Variants in GPBP1 observed in about 807,000 individuals in gnomAD.
The protein encoded by GPBP1 is GC-rich promoter binding protein 1, also known as vasculin.
Under a neutral mutation model 56.5 loss-of-function variants are expected in GPBP1, and 13 were observed. The ratio of observed to expected loss-of-function variants is 0.23; its 90% CI spans 0.15 to 0.37. The LOEUF (loss-of-function observed/expected upper bound fraction) is 0.37, where lower values mean the gene tolerates loss of function less well. Ranked by LOEUF, GPBP1 falls within the 10% of genes least tolerant of loss-of-function variation. GPBP1 has a pLI of 1.00. For missense variants in GPBP1, 477 were observed against 572.3 expected, an observed-to-expected ratio of 0.83 and a Z score of 1.70; for synonymous variants, 204 against 188.9, an observed-to-expected ratio of 1.08 and a Z score of -0.66.
rs376205556 is a variant in GPBP1 at position 57,186,826 on chromosome 5, C to T, written c.-58+10426C>T. Among the ~76,000 whole-genome samples the T allele has an allele frequency of 8.5e-5, 13 of 152,204 alleles. 1 individual carries two copies. In the South Asian group the frequency reaches 2.7e-3, roughly 32 times the overall value. ...ACTCATGGGATCCTCCTGCGTTGGC[C>T]TCCCAAAGTATTGGGATTACAGGCG... On this transcript the variant is annotated intron_variant, in intron 2 of 11. Transcript: ENST00000506184.
At chr5:57,186,691 T>C (rs1347850090) in intron 2 of GPBP1, among the ~76,000 whole-genome samples, 1 of 152,060 alleles carries the variant, frequency 6.6e-6, no homozygotes, top group Non-Finnish European at 1.5e-5. Flanking sequence ...CCTAATCCTT[T>C]TGAGTAGTTG....
At chr5:57,229,328 C>CCAGCTTTG (rs1385445662) in intron 3 of GPBP1, among the ~76,000 whole-genome samples, 1 of 147,794 alleles carries the variant, frequency 6.8e-6, no homozygotes, top group African/African-American at 2.5e-5. Context: ...GCAAGAGGTG[C>CCAGCTTTG]CAGCTTTGTT....
At chr5:57,250,211 C>T (rs1346017034) in intron 9 of GPBP1, among the ~76,000 whole-genome samples, 1 of 151,556 alleles carries the variant, frequency 6.6e-6, no homozygotes, top group African/African-American at 2.4e-5. Flanking sequence ...ACCACGTTGG[C>T]CAGACTGGTC....
intron 2 of GPBP1, among the ~76,000 whole-genome samples, chr5:57,205,689 T>C (rs1755203286): frequency 6.6e-6 from 1 of 152,030 alleles, no homozygotes. Flanking sequence ...GTATATTTTA[T>C]GTGGTTATTG....
intron 3 of GPBP1, among the ~76,000 whole-genome samples, chr5:57,222,434 A>G (rs1755992205): frequency 6.6e-6 from 1 of 152,198 alleles, no homozygotes; most frequent in South Asian, 2.1e-4. Context: ...ATAGTAGACT[A>G]GGTTTCAGAA....
chr5:57,239,844 AT>A (rs1002652358), intron 6 of GPBP1, among the ~76,000 whole-genome samples: 2 of 152,084 alleles, frequency 1.3e-5, no homozygotes, highest in Non-Finnish European at 1.5e-5. Flanking sequence ...GATCTTAAAC[AT>A]TTTTTTTGGT....
chr5:57,259,054 A>G (rs1374127959), intron 10 of GPBP1, among the ~76,000 whole-genome samples: 1 of 152,248 alleles, frequency 6.6e-6, no homozygotes, highest in African/African-American at 2.4e-5. Context: ...GCTATTCCAA[A>G]AGGAGGCCAT....
At chr5:57,219,922 C>T (rs141031376) in intron 3 of GPBP1, among the ~76,000 whole-genome samples, 2,211 of 151,700 alleles carry the variant, frequency 0.015, 31 homozygotes, top group Middle Eastern at 0.027. Flanking sequence ...CTTGGTGGCG[C>T]GTGCCTGTAA....
intron 2 of GPBP1, among the ~76,000 whole-genome samples, chr5:57,189,550 G>A (rs1009649252): frequency 3.4e-5 from 2 of 59,078 alleles, no homozygotes; most frequent in Non-Finnish European, 7.1e-5. Context: ...GAGCCACTGC[G>A]CTCAGCCCAC....
rs186406299 is a variant in GPBP1 at position 57,235,938 on chromosome 5, T to G, written c.412-28T>G. ...TTTTAAATGATTTATTTTTAAAATGTGAAATGTTTATTCCAACTTTCTTCC... is the reference window on the plus strand; with the variant it reads ...TTTTAAATGATTTATTTTTAAAATGGGAAATGTTTATTCCAACTTTCTTCC... On this transcript the variant is annotated intron_variant, in intron 5 of 11. Transcript: ENST00000506184. 3.5e-5 allele frequency: 52 copies of G among 1,505,248 alleles called. No homozygotes were observed. The East Asian group carries it at 6.5e-4, about 19-fold the overall frequency. 93.2% of individuals were successfully genotyped at this position (1,505,248 alleles called of 1,614,324 possible). A position where few individuals can be genotyped will look rare whatever the true frequency, so the allele number is the denominator to read the frequency against.
rs900114220 is a variant in GPBP1 at position 57,264,445 on chromosome 5, C to T, written c.*1693C>T. On this transcript the variant is annotated 3_prime_UTR_variant, in exon 12 of 12. Coordinates refer to ENST00000506184, the MANE Select transcript of GPBP1 (RefSeq NM_022913.4). The stretch of plus-strand genomic sequence containing the variant: ...CAGATACAACCTGTATTTCCAAAAA[C>T]AAGCTAGAAGGAACCTGAGGAATGT... 5 of 152,098 alleles carry T rather than the reference C, an allele frequency of 3.3e-5. No individual in the cohort carries two copies. The highest frequency in any genetic ancestry group is 5.9e-5 in the Non-Finnish European group (4 of 67,988). 9.4% of individuals were successfully genotyped at this position (152,098 alleles called of 1,614,324 possible). A position where few individuals can be genotyped will look rare whatever the true frequency, so the allele number is the denominator to read the frequency against.
intron 5 of GPBP1, among the ~76,000 whole-genome samples, chr5:57,231,969 C>T (rs554957046): frequency 5.3e-5 from 8 of 152,128 alleles, no homozygotes; most frequent in Admixed American, 1.3e-4. Flanking sequence ...TGCCAAGATG[C>T]GATCATCCTT....
At chr5:57,234,366 C>T (rs1256967023) in intron 5 of GPBP1, among the ~76,000 whole-genome samples, 1 of 152,106 alleles carries the variant, frequency 6.6e-6, no homozygotes, top group Non-Finnish European at 1.5e-5. Flanking sequence ...TTTAATAATC[C>T]TGAATATCAC....
In GPBP1 at chr5:57,175,763, CTG is replaced by C. The variant is rs1753767664; in HGVS notation, c.-694_-693del. On this transcript the variant is annotated 5_prime_UTR_variant, in exon 2 of 12. Coordinates refer to ENST00000506184, the MANE Select transcript of GPBP1 (RefSeq NM_022913.4). ...CGTTGTTGGGGTTCTTCAGCCGAAA[CTG>C]AGAGACGTTGATTTGTGTACTGAGT... 2.5e-6 allele frequency: 1 copy of C among 396,510 alleles called. No individual in the cohort carries two copies. The highest frequency in any genetic ancestry group is 4.4e-6 in the Non-Finnish European group (1 of 225,402). 24.6% of individuals were successfully genotyped at this position (396,510 alleles called of 1,614,324 possible). A position where few individuals can be genotyped will look rare whatever the true frequency, so the allele number is the denominator to read the frequency against.
At chr5:57,196,395 T>C (rs546319174) in intron 2 of GPBP1, among the ~76,000 whole-genome samples, 25 of 152,266 alleles carry the variant, frequency 1.6e-4, no homozygotes, top group African/African-American at 6.0e-4. Context: ...ATCAAATTGA[T>C]AGTAGAGAAA....
chr5:57,182,215 C>A (rs1178594706), intron 2 of GPBP1, among the ~76,000 whole-genome samples: 1 of 152,080 alleles, frequency 6.6e-6, no homozygotes, highest in Non-Finnish European at 1.5e-5. Flanking sequence ...TCCCTAGTAG[C>A]TGAGATTACA....
chr5:57,185,517 C>T (rs942881862), intron 2 of GPBP1, among the ~76,000 whole-genome samples: 3 of 152,140 alleles, frequency 2.0e-5, no homozygotes, highest in Non-Finnish European at 4.4e-5. Context: ...GATCCACCCC[C>T]TTCAGCCTCC....
At chr5:57,246,508 G>A (rs1411791648) in intron 7 of GPBP1, 24 bp downstream of exon 7, 1 of 1,572,740 alleles carries the variant, frequency 6.4e-7, no homozygotes. Flanking sequence ...TACCACAAAT[G>A]TAAATTTTGA....
chr5:57,219,842 T>G (rs906752707), intron 3 of GPBP1, among the ~76,000 whole-genome samples: 3 of 151,942 alleles, frequency 2.0e-5, no homozygotes, highest in African/African-American at 7.2e-5. Context: ...CACCTGAGGT[T>G]GGGAGTTCGA....
Sources: gnomAD v4.1 joint callset for allele counts (sites outside exome capture counted in the v4.1 genomes callset) on GRCh38, gnomAD v4.1.1 for gene constraint, MANE v1.5 for transcripts, NCBI Gene and HGNC (gene_info 2026-07-23, HGNC 2026-07-21) for gene names.